BRAF: variants seen among roughly 807,000 people sequenced by gnomAD.
BRAF encodes the protein serine/threonine-protein kinase B-raf.
BRAF carries 16 observed loss-of-function variants against 104.6 expected under a neutral mutation model. The observed-to-expected ratio is 0.15, with a 90% CI of 0.10 to 0.23. The LOEUF (loss-of-function observed/expected upper bound fraction) is 0.23, where lower values mean the gene tolerates loss of function less well. Ranked by LOEUF, BRAF falls within the 10% of genes least tolerant of loss-of-function variation. The pLI is 1.00. For synonymous variants in BRAF, 310 were observed against 341.6 expected (o/e 0.91, Z 1.02); for missense variants, 541 against 937.3 (o/e 0.58, Z 5.52).
intron 1 of BRAF, among the ~76,000 whole-genome samples, chr7:140,899,404 G>A (rs1215048071): frequency 2.6e-5 from 4 of 152,208 alleles, no homozygotes; most frequent in South Asian, 2.1e-4. Flanking sequence ...TGGTATTGCT[G>A]GTTATAGGAT....
chr7:140,813,888 T>TACACAC lies in BRAF; in HGVS notation c.505-4899_505-4894dup, dbSNP rs147877017. Among the ~76,000 whole-genome samples, 22 of 147,446 alleles carry TACACAC rather than the reference T, an allele frequency of 1.5e-4. No homozygotes were observed. The East Asian group carries it at 2.0e-3, about 13-fold the overall frequency. ...ATGCACATGCATGCGGACGCATACA[T>TACACAC]ACACACACACACACACACACACACA... is the stretch of plus-strand genomic sequence containing the variant. On this transcript the variant is annotated intron_variant, in intron 3 of 19. Coordinates refer to ENST00000644969, the MANE Select transcript of BRAF (RefSeq NM_001374258.1).
intron 14 of BRAF, among the ~76,000 whole-genome samples, chr7:140,755,925 A>G (rs1031728867): frequency 2.6e-5 from 4 of 152,034 alleles, no homozygotes; most frequent in African/African-American, 9.7e-5. Flanking sequence ...CAAGACTTAA[A>G]AACAAAAACA....
chr7:140,715,807 C>T (rs1372730120), downstream of BRAF, among the ~76,000 whole-genome samples: 1 of 152,194 alleles, frequency 6.6e-6, no homozygotes, highest in Non-Finnish European at 1.5e-5. Context: ...TGAAAACTTA[C>T]TATGGGCCAG....
At chr7:140,818,654 C>T (rs1297220175) in intron 3 of BRAF, among the ~76,000 whole-genome samples, 7 of 152,130 alleles carry the variant, frequency 4.6e-5, no homozygotes, top group African/African-American at 1.2e-4. Flanking sequence ...AGTTAAAAAA[C>T]CTTATGAACA....
At chr7:140,747,992 TA>T (rs1370966004) in intron 17 of BRAF, among the ~76,000 whole-genome samples, 1 of 152,228 alleles carries the variant, frequency 6.6e-6, no homozygotes, top group Non-Finnish European at 1.5e-5. Context: ...ATGAAGTAGT[TA>T]GAAAGGCCAA....
intron 11 of BRAF, 92 bp downstream of exon 10, chr7:140,782,929 T>C: frequency 7.0e-7 from 1 of 1,435,252 alleles, no homozygotes. Flanking sequence ...GTGTCACATA[T>C]GGACATAATA....
intron 1 of BRAF, among the ~76,000 whole-genome samples, chr7:140,865,143 G>A (rs748429841): frequency 2.4e-4 from 36 of 151,524 alleles, no homozygotes; most frequent in African/African-American, 5.6e-4. Context: ...GCAGTAGTGC[G>A]ATGTTGGTTC....
chr7:140,868,999 C>T (rs1318288423), intron 1 of BRAF, among the ~76,000 whole-genome samples: 1 of 152,100 alleles, frequency 6.6e-6, no homozygotes, highest in African/African-American at 2.4e-5. Context: ...AGGGAGTCAT[C>T]CTCGACTCTA....
chr7:140,920,896 A>G lies in BRAF; in HGVS notation c.138+3670T>C, dbSNP rs573300895. 3.3e-5 allele frequency among the ~76,000 whole-genome samples: 5 copies of G among 152,350 alleles called. No individual in the cohort carries two copies. In the South Asian group the frequency reaches 8.3e-4, roughly 25 times the overall value. On this transcript the variant is annotated intron_variant, in intron 1 of 19. Coordinates refer to ENST00000644969, the MANE Select transcript of BRAF (RefSeq NM_001374258.1). ...GTATAAGTATTAACAGCAATAGCCAAAACTGCACAAGCACCTGCATTAATG... is the reference window on the plus strand; with the variant it reads ...GTATAAGTATTAACAGCAATAGCCAGAACTGCACAAGCACCTGCATTAATG...
intron 1 of BRAF, among the ~76,000 whole-genome samples, chr7:140,916,728 A>T (rs190354156): frequency 3.3e-5 from 5 of 152,200 alleles, no homozygotes; most frequent in African/African-American, 1.2e-4. Context: ...AATTCAAGAC[A>T]GAGATATATT....
intron 1 of BRAF, among the ~76,000 whole-genome samples, chr7:140,862,315 G>T (rs2129084386): frequency 6.6e-6 from 1 of 152,148 alleles, no homozygotes; most frequent in Non-Finnish European, 1.5e-5. Flanking sequence ...TGTCCCAGAA[G>T]GTAGAGAGGT....
chr7:140,763,112 G>A (rs1386614987), intron 14 of BRAF, among the ~76,000 whole-genome samples: 1 of 152,206 alleles, frequency 6.6e-6, no homozygotes, highest in Non-Finnish European at 1.5e-5. Context: ...CGTTCTCAAT[G>A]AGCTGTTGGG....
At chr7:140,825,158 T>TG (rs2129056562) in intron 3 of BRAF, among the ~76,000 whole-genome samples, 1 of 151,974 alleles carries the variant, frequency 6.6e-6, no homozygotes, top group Admixed American at 6.5e-5. Context: ...TTAGTAAAGA[T>TG]GGGGTTTCAC....
intron 5 of BRAF, among the ~76,000 whole-genome samples, chr7:140,804,979 T>A (rs1451846711): frequency 6.6e-6 from 1 of 152,008 alleles, no homozygotes; most frequent in African/African-American, 2.4e-5. Context: ...CTTTTTGTAT[T>A]TTTTTGGAGA....
In BRAF at chr7:140,728,983, CA is replaced by C. The variant is rs1003704284; in HGVS notation, c.2402-2468del. 2.7e-5 allele frequency among the ~76,000 whole-genome samples: 4 copies of C among 148,366 alleles called. No homozygotes were observed. The Admixed American group carries it at 2.7e-4, about 10-fold the overall frequency. ...GTTCACGCCTATAATCCCAGCACTT[CA>C]GGAGGCCGAGGCAGGAGGACTGCTT... On this transcript the variant is annotated intron_variant, in intron 19 of 19. Coordinates refer to ENST00000644969, the MANE Select transcript of BRAF (RefSeq NM_001374258.1).
At chr7:140,814,822 T>TATATATAACATATATAATTTA (rs1562973276) in intron 3 of BRAF, among the ~76,000 whole-genome samples, 18 of 145,248 alleles carry the variant, frequency 1.2e-4, no homozygotes, top group African/African-American at 4.5e-4. Flanking sequence ...CATATATAAT[T>TATATATAACATATATAATTTA]TATATATATT....
intron 1 of BRAF, among the ~76,000 whole-genome samples, chr7:140,904,615 GGATT>G (rs1358976313): frequency 6.6e-6 from 1 of 152,050 alleles, no homozygotes; most frequent in African/African-American, 2.4e-5. Flanking sequence ...TTTGATGCAT[GGATT>G]ATTATTTTTT....
At chr7:140,718,651 T>C (rs1795190498), downstream of BRAF, among the ~76,000 whole-genome samples, 1 of 152,242 alleles carries the variant, frequency 6.6e-6, no homozygotes, top group South Asian at 2.1e-4. Context: ...CCCAAATTGC[T>C]GGGATTACAG....
chr7:140,784,324 T>C (rs1392091236), intron 10 of BRAF, among the ~76,000 whole-genome samples: 1 of 152,202 alleles, frequency 6.6e-6, no homozygotes, highest in African/African-American at 2.4e-5. Flanking sequence ...TAAAATGGTA[T>C]CCACAATGTC....
Sources: gnomAD v4.1 joint callset for allele counts (sites outside exome capture counted in the v4.1 genomes callset) on GRCh38, gnomAD v4.1.1 for gene constraint, MANE v1.5 for transcripts, NCBI Gene and HGNC (gene_info 2026-07-23, HGNC 2026-07-21) for gene names.